The following PDE8B variants were observed in gnomAD, a reference collection of about 807,000 sequenced individuals.
PDE8B encodes the protein high affinity cAMP-specific and IBMX-insensitive 3',5'-cyclic phosphodiesterase 8B.
PDE8B carries 26 observed loss-of-function variants against 101.3 expected under a neutral mutation model. That is an observed-to-expected ratio of 0.26 (90% confidence interval 0.19 to 0.36). PDE8B has a LOEUF of 0.36. PDE8B is among the 10% of genes least tolerant of loss of function. PDE8B has a pLI of 1.00. For synonymous variants in PDE8B, 424 were observed against 429.3 expected (o/e 0.99, Z 0.15); for missense variants, 810 against 1,163.1 (o/e 0.70, Z 4.42).
Position 77,426,790 on chromosome 5 carries a change from C to T in PDE8B, c.*236C>T. ...TGACAGAACAAATACTTGGCAAACT[C>T]CTTTGCTCTGCTGTCATCCTGTGTA... On this transcript the variant is annotated 3_prime_UTR_variant, in exon 22 of 22. Transcript: ENST00000264917. 2.1e-6 allele frequency: 1 copy of T among 479,450 alleles called. No homozygotes were observed. The highest frequency in any genetic ancestry group is 3.8e-6 in the Non-Finnish European group (1 of 261,822). The allele number at this position is 479,450 out of a possible 1,614,324, so 29.7% of individuals were successfully genotyped here. A position where few individuals can be genotyped will look rare whatever the true frequency, so the allele number is the denominator to read the frequency against.
At chr5:77,381,862 C>A (rs559964329) in intron 10 of PDE8B, among the ~76,000 whole-genome samples, 1 of 152,282 alleles carries the variant, frequency 6.6e-6, no homozygotes, top group Non-Finnish European at 1.5e-5. Context: ...GTAGGTCTTA[C>A]ACTTGGTAGA....
chr5:77,154,529 A>G, the PDE8B span, among the ~76,000 whole-genome samples: 2 of 152,236 alleles, frequency 1.3e-5, no homozygotes, highest in African/African-American at 4.8e-5. Context: ...AACCAGGTTA[A>G]GGTCCTCTGC....
At chr5:77,184,803 G>A in the PDE8B span, among the ~76,000 whole-genome samples, 1 of 151,464 alleles carries the variant, frequency 6.6e-6, no homozygotes, top group Admixed American at 6.6e-5. Flanking sequence ...AACATAGTGA[G>A]ACCCTTCTTT....
chr5:77,330,294 T>G (rs1776873917), intron 4 of PDE8B, among the ~76,000 whole-genome samples: 1 of 152,184 alleles, frequency 6.6e-6, no homozygotes, highest in Admixed American at 6.5e-5. Context: ...AAAATACTCT[T>G]GTTTTTCTGA....
the PDE8B span, among the ~76,000 whole-genome samples, chr5:77,161,233 A>G: frequency 6.6e-6 from 1 of 152,162 alleles, no homozygotes; most frequent in Non-Finnish European, 1.5e-5. Flanking sequence ...ATATGGATCT[A>G]ATTTCCATAA....
At chr5:77,168,818 G>A in the PDE8B span, among the ~76,000 whole-genome samples, 1 of 152,168 alleles carries the variant, frequency 6.6e-6, no homozygotes, top group Middle Eastern at 3.2e-3. Flanking sequence ...TGAAATGGAA[G>A]CTCCACCTCG....
chr5:77,291,788 A>G, intron 1 of PDE8B: 1 of 1,574,528 alleles, frequency 6.4e-7, no homozygotes, highest in Non-Finnish European at 8.7e-7. Flanking sequence ...TGGCCCAAGG[A>G]ATCAAGTTTC....
chr5:77,125,971 C>A, the PDE8B span, among the ~76,000 whole-genome samples: 1 of 152,118 alleles, frequency 6.6e-6, no homozygotes, highest in Admixed American at 6.5e-5. Flanking sequence ...TATATTTTAC[C>A]ACAATAAAAT....
intron 20 of PDE8B, among the ~76,000 whole-genome samples, chr5:77,425,284 G>C (rs756543687): frequency 2.6e-5 from 4 of 152,236 alleles, no homozygotes; most frequent in Non-Finnish European, 5.9e-5. Context: ...CTTGGGGCCA[G>C]GCACAGTGGC....
intron 15 of PDE8B, 134 bp from the exon 16 acceptor site, chr5:77,411,966 G>T: frequency 1.1e-6 from 1 of 888,864 alleles, no homozygotes; most frequent in East Asian, 2.4e-5. Flanking sequence ...CTATTTGAGG[G>T]TCTTGAAGTT....
intron 1 of PDE8B, among the ~76,000 whole-genome samples, chr5:77,284,618 G>A (rs578246042): frequency 6.6e-6 from 1 of 152,282 alleles, no homozygotes; most frequent in East Asian, 1.9e-4. Flanking sequence ...TACTTCAGAA[G>A]CCTCTCTTGT....
At chr5:77,104,177 C>T in the PDE8B span, among the ~76,000 whole-genome samples, 2 of 152,104 alleles carry the variant, frequency 1.3e-5, no homozygotes, top group East Asian at 3.9e-4. Flanking sequence ...CCAGGCTTCC[C>T]GTAGAGGTTT....
chr5:77,381,858 C>T (rs1027458660), intron 10 of PDE8B, among the ~76,000 whole-genome samples: 2 of 152,168 alleles, frequency 1.3e-5, no homozygotes, highest in African/African-American at 2.4e-5. Flanking sequence ...CTAAGTAGGT[C>T]TTACACTTGG....
rs548682467 is a variant in PDE8B, at chr5:77,249,853, T to C, written c.339+38589T>C. Among the ~76,000 whole-genome samples, 3 of 152,364 alleles carry C rather than the reference T, an allele frequency of 2.0e-5. No homozygotes were observed. In the South Asian group the frequency reaches 6.2e-4, roughly 32 times the overall value. On this transcript the variant is annotated intron_variant, in intron 1 of 21. Coordinates refer to ENST00000264917, the MANE Select transcript of PDE8B (RefSeq NM_003719.5). ...TCCAGAATGAAAAAAACCATTTGGCTGAAGTGTGTGCATTTGATCTCTTGG... is the reference window on the plus strand; with the variant it reads ...TCCAGAATGAAAAAAACCATTTGGCCGAAGTGTGTGCATTTGATCTCTTGG...
At chr5:77,107,179 G>T in the PDE8B span, among the ~76,000 whole-genome samples, 1 of 152,086 alleles carries the variant, frequency 6.6e-6, no homozygotes, top group African/African-American at 2.4e-5. Context: ...GCGATAGTTT[G>T]CTGAGAATGA....
intron 1 of PDE8B, among the ~76,000 whole-genome samples, chr5:77,257,325 A>G (rs928154104): frequency 6.6e-6 from 1 of 152,224 alleles, no homozygotes; most frequent in African/African-American, 2.4e-5. Flanking sequence ...TGCTGTCAAC[A>G]AGACATCCAC....
intron 3 of PDE8B, among the ~76,000 whole-genome samples, chr5:77,327,912 A>G (rs1776355979): frequency 6.6e-6 from 1 of 152,130 alleles, no homozygotes; most frequent in South Asian, 2.1e-4. Flanking sequence ...GGACATGGAG[A>G]AGGTACATTT....
chr5:77,212,746 T>G (rs1748773062), intron 1 of PDE8B, among the ~76,000 whole-genome samples: 1 of 152,182 alleles, frequency 6.6e-6, no homozygotes, highest in African/African-American at 2.4e-5. Flanking sequence ...TGTCAAGCTC[T>G]CTCTCTCTCC....
At chr5:77,425,109 G>A (rs1401330760) in intron 20 of PDE8B, among the ~76,000 whole-genome samples, 1 of 152,128 alleles carries the variant, frequency 6.6e-6, no homozygotes, top group Non-Finnish European at 1.5e-5. Flanking sequence ...ACCCACTATT[G>A]CTTCTTCTCA....
Sources: allele counts gnomAD v4.1 joint callset (sites outside exome capture counted in the v4.1 genomes callset), GRCh38; gene constraint gnomAD v4.1.1; transcripts MANE v1.5; gene names NCBI Gene and HGNC (gene_info 2026-07-23, HGNC 2026-07-21).